USP39: variants seen among roughly 807,000 people sequenced by gnomAD.
USP39 encodes the protein ubiquitin specific peptidase 39.
In USP39, 38 loss-of-function variants were observed where a neutral mutation model predicts 66.4. That is an observed-to-expected ratio of 0.57 (90% confidence interval 0.44 to 0.75). The LOEUF is 0.75. USP39 is among the 30% of genes least tolerant of loss of function. USP39 has a pLI of 0.00. For missense variants in USP39, 608 were observed against 714.4 expected, an observed-to-expected ratio of 0.85 and a Z score of 1.70; for synonymous variants, 303 against 274.6, an observed-to-expected ratio of 1.10 and a Z score of -1.02.
chr2:85,642,763 C>T (rs1443828334), intron 10 of USP39, among the ~76,000 whole-genome samples: 1 of 152,142 alleles, frequency 6.6e-6, no homozygotes, highest in Non-Finnish European at 1.5e-5. Context: ...TACCTGTCTT[C>T]TCCTATGTTT....
In USP39 at chr2:85,636,695, G is replaced by A. The variant is rs370310556; in HGVS notation, c.1027+565G>A. On this transcript the variant is annotated intron_variant, in intron 7 of 12. Transcript: ENST00000323701. ...TGATTTTTGTATTTTTAGTAGAGATGGGATTTCTCCATGTTGGCCAGGCTG... is the reference window on the plus strand; with the variant it reads ...TGATTTTTGTATTTTTAGTAGAGATAGGATTTCTCCATGTTGGCCAGGCTG... Among the ~76,000 whole-genome samples the A allele has an allele frequency of 4.9e-4, 74 of 152,098 alleles. 1 individual carries two copies. In the South Asian group the frequency reaches 0.011, roughly 23 times the overall value.
intron 3 of USP39, among the ~76,000 whole-genome samples, chr2:85,622,894 CTG>C (rs1425435251): frequency 6.6e-6 from 1 of 152,126 alleles, no homozygotes; most frequent in Non-Finnish European, 1.5e-5. Flanking sequence ...GAGATAAAAA[CTG>C]TATTCTTTGC....
upstream of USP39, chr2:85,611,848 T>C (rs1323719518): frequency 1.3e-6 from 2 of 1,599,750 alleles, no homozygotes; most frequent in Admixed American, 1.7e-5. Flanking sequence ...CCAGGAGTGG[T>C]GGCGGCGGCG....
chr2:85,611,933 G>GC, upstream of USP39: 3 of 1,585,636 alleles, frequency 1.9e-6, no homozygotes, highest in East Asian at 2.3e-5. Context: ...ATGTCCAGCC[G>GC]CCCCCCAGGC....
At chr2:85,604,413 T>C (rs905893471) in intron 1 of USP39, among the ~76,000 whole-genome samples, 2 of 152,178 alleles carry the variant, frequency 1.3e-5, no homozygotes, top group Non-Finnish European at 2.9e-5. Flanking sequence ...GGTTTCACCA[T>C]GTTGGTCAGG....
upstream of USP39, chr2:85,607,518 T>A (rs62166770): frequency 6.6e-6 from 1 of 152,110 alleles, no homozygotes; most frequent in Non-Finnish European, 1.5e-5. Context: ...ACCAGGCCCT[T>A]CTCACTTATC....
intron 8 of USP39, among the ~76,000 whole-genome samples, chr2:85,638,311 C>T (rs533954240): frequency 5.3e-5 from 8 of 151,942 alleles, no homozygotes; most frequent in African/African-American, 1.2e-4. Flanking sequence ...CATGAGCCAC[C>T]GTGCTCGGCC....
At chr2:85,646,058 A>G (rs1250415034) in intron 11 of USP39, 1 of 152,212 alleles carries the variant, frequency 6.6e-6, no homozygotes, top group Admixed American at 6.5e-5. Flanking sequence ...GTCTTGTTAG[A>G]AATCAGCTTG....
chr2:85,633,883 G>C (rs1030701199), intron 6 of USP39, among the ~76,000 whole-genome samples: 1 of 138,124 alleles, frequency 7.2e-6, no homozygotes, highest in Non-Finnish European at 1.5e-5. Context: ...TGTTGCCCAG[G>C]CTGGAGTGCA....
At chr2:85,644,278 A>G (rs1043331758) in intron 10 of USP39, among the ~76,000 whole-genome samples, 5 of 152,154 alleles carry the variant, frequency 3.3e-5, no homozygotes, top group South Asian at 2.1e-4. Context: ...TTTATGATGC[A>G]ATGTCTTTTT....
intron 1 of USP39, among the ~76,000 whole-genome samples, chr2:85,618,566 A>G (rs961703445): frequency 6.6e-6 from 1 of 151,536 alleles, no homozygotes; most frequent in Non-Finnish European, 1.5e-5. Context: ...CGTCTCAAAA[A>G]AAAAAAAACA....
chr2:85,604,345 G>A (rs1342245260), intron 1 of USP39, among the ~76,000 whole-genome samples: 1 of 152,108 alleles, frequency 6.6e-6, no homozygotes. Context: ...GAGTAGCTGG[G>A]ATTACAGGTG....
At chr2:85,603,415 G>T (rs1673079961) in intron 1 of USP39, among the ~76,000 whole-genome samples, 1 of 152,164 alleles carries the variant, frequency 6.6e-6, no homozygotes, top group South Asian at 2.1e-4. Context: ...TGTCAGTGTA[G>T]AGTAGGTAAG....
intron 10 of USP39, 119 bp from the exon 11 acceptor site, chr2:85,644,829 A>C (rs187556408): frequency 4.2e-5 from 58 of 1,372,968 alleles, no homozygotes; most frequent in Admixed American, 6.7e-5. Context: ...CTGCAAGCCT[A>C]CCCAGAGAAA....
chr2:85,619,420 T>C, intron 2 of USP39, 131 bp downstream of exon 2: 1 of 859,166 alleles, frequency 1.2e-6, no homozygotes, highest in Non-Finnish European at 1.8e-6. Flanking sequence ...GTTGTGCTTC[T>C]TGCCATGTTA....
At chr2:85,610,539 T>C (rs1673441377), upstream of USP39, 1 of 152,212 alleles carries the variant, frequency 6.6e-6, no homozygotes, top group African/African-American at 2.4e-5. Context: ...TCTGTGCCTG[T>C]TTCCTGACTG....
In USP39 at chr2:85,602,934, T is replaced by C. The variant is rs1422028553; in HGVS notation, n.79T>C. ...AAAACCGAGATGACTAGAGGTTCCG[T>C]TTAACCGATTCCTGCCGGGGAAGCG... is the stretch of plus-strand genomic sequence containing the variant. On this transcript the variant is annotated non_coding_transcript_exon_variant, in exon 1 of 13. Coordinates refer to the USP39 transcript ENST00000459775. The surrounding 1 kb of genome is among the most constrained non-coding windows in gnomAD (Gnocchi z 5.6). 5.9e-5 allele frequency: 9 copies of C among 152,288 alleles called. No homozygotes were observed. The highest frequency in any genetic ancestry group is 2.2e-4 in the African/African-American group (9 of 41,422). The allele number at this position is 152,288 out of a possible 1,614,324, so 9.4% of individuals were successfully genotyped here. A position where few individuals can be genotyped will look rare whatever the true frequency, so the allele number is the denominator to read the frequency against.
intron 10 of USP39, among the ~76,000 whole-genome samples, chr2:85,643,343 A>G (rs2104352095): frequency 6.6e-6 from 1 of 152,146 alleles, no homozygotes; most frequent in African/African-American, 2.4e-5. Context: ...TCAAAAAATT[A>G]GCCAGGCATG....
chr2:85,608,610 G>C (rs1446629623), upstream of USP39: 2 of 201,730 alleles, frequency 9.9e-6, no homozygotes, highest in African/African-American at 4.7e-5. Context: ...ATATGACCTC[G>C]GTGAGAAAGC....
Sources: allele counts gnomAD v4.1 joint callset (sites outside exome capture counted in the v4.1 genomes callset), GRCh38; gene constraint gnomAD v4.1.1; non-coding constraint Gnocchi (gnomAD v3.1); transcripts MANE v1.5; gene names NCBI Gene and HGNC (gene_info 2026-07-23, HGNC 2026-07-21).